Variants in CAMSAP2 observed in about 807,000 individuals in gnomAD.
CAMSAP2 encodes the protein calmodulin-regulated spectrin-associated protein 2.
CAMSAP2 carries 26 observed loss-of-function variants against 146.1 expected under a neutral mutation model. That is an observed-to-expected ratio of 0.18 (90% CI 0.13 to 0.25). The LOEUF is 0.25. Among genes scored for constraint, CAMSAP2 ranks in the 10% least tolerant of loss-of-function variants. The pLI is 1.00. For missense variants in CAMSAP2, 1,381 were observed against 1,759.3 expected (o/e 0.78, Z 3.85); for synonymous variants, 499 against 596.6 (o/e 0.84, Z 2.38).
At chr1:200,829,918 C>T (rs1056003325) in intron 4 of CAMSAP2, among the ~76,000 whole-genome samples, 3 of 151,122 alleles carry the variant, frequency 2.0e-5, no homozygotes, top group Admixed American at 1.3e-4. Context: ...CAGAGTGAGA[C>T]GCTATCTCCA....
intron 1 of CAMSAP2, among the ~76,000 whole-genome samples, chr1:200,755,537 A>G (rs974505702): frequency 2.6e-5 from 4 of 152,178 alleles, no homozygotes; most frequent in Admixed American, 6.5e-5. Context: ...TTGGCCTTAT[A>G]GGGTAATGGG....
At chr1:200,855,106 G>A (rs1349912631) in intron 14 of CAMSAP2, among the ~76,000 whole-genome samples, 1 of 150,266 alleles carries the variant, frequency 6.7e-6, no homozygotes, top group Non-Finnish European at 1.5e-5. Context: ...TTGTCTTTTA[G>A]AATTTAGAAT....
intron 2 of CAMSAP2, among the ~76,000 whole-genome samples, chr1:200,804,808 G>T (rs986518518): frequency 2.6e-5 from 4 of 152,086 alleles, no homozygotes; most frequent in Admixed American, 1.3e-4. Flanking sequence ...TGAAAATGCG[G>T]TTTTAATTTG....
rs1018007420 is a variant in CAMSAP2 at position 200,738,935 on chromosome 1, A to C, written c.-893A>C. Among the ~76,000 whole-genome samples, 4 of 130,478 alleles carry C rather than the reference A, an allele frequency of 3.1e-5. No homozygotes were observed. Among genetic ancestry groups the C allele is most frequent in the Non-Finnish European group, 6.5e-5 (4 of 61,408 alleles). 85.6% of individuals were successfully genotyped at this position (130,478 alleles called of 152,430 possible). On this transcript the variant is annotated 5_prime_UTR_variant, in exon 1 of 17. Coordinates refer to ENST00000358823, the MANE Select transcript of CAMSAP2 (RefSeq NM_203459.4). Reference sequence around the variant, plus strand: ...CTTCATCCAGTGCCGCAGCCGGAAAACCGCAGCGGCGGCGGCGGCGGCTGA... The same window carrying C: ...CTTCATCCAGTGCCGCAGCCGGAAACCCGCAGCGGCGGCGGCGGCGGCTGA...
At chr1:200,788,911 CA>C (rs1445553110) in intron 2 of CAMSAP2, among the ~76,000 whole-genome samples, 13 of 151,946 alleles carry the variant, frequency 8.6e-5, no homozygotes, top group African/African-American at 3.1e-4. Flanking sequence ...CTCAGCCTCC[CA>C]AAGTGCTGGA....
In CAMSAP2 at chr1:200,858,809, C is replaced by T. The variant is rs1667811681; in HGVS notation, c.*750C>T. 1 of 152,594 alleles carries T rather than the reference C, an allele frequency of 6.6e-6. No homozygotes were observed. The highest frequency in any genetic ancestry group is 2.4e-5 in the African/African-American group (1 of 41,434). 9.5% of individuals were successfully genotyped at this position (152,594 alleles called of 1,614,324 possible). On this transcript the variant is annotated 3_prime_UTR_variant, in exon 17 of 17. Coordinates refer to ENST00000358823, the MANE Select transcript of CAMSAP2 (RefSeq NM_203459.4). ...TGAGAAGTTGCTGATTAAATCAGTGCTGTTTTTACACCACTTCTGGCCAAC... is the reference window on the plus strand; with the variant it reads ...TGAGAAGTTGCTGATTAAATCAGTGTTGTTTTTACACCACTTCTGGCCAAC...
rs772154247 is a variant in CAMSAP2, at chr1:200,859,983, G to A, written c.*1924G>A. 6.6e-5 allele frequency: 10 copies of A among 152,388 alleles called. No homozygotes were observed. Among genetic ancestry groups the A allele is most frequent in the East Asian group, 3.7e-4 (2 of 5,338 alleles). The allele number at this position is 152,388 out of a possible 1,614,324, so 9.4% of individuals were successfully genotyped here. ...AAAGCAATCTTTGTGATATTACTTC[G>A]CTATTAAATAAAGAAAATTGGATGC... On this transcript the variant is annotated 3_prime_UTR_variant, in exon 17 of 17. Coordinates refer to ENST00000358823, the MANE Select transcript of CAMSAP2 (RefSeq NM_203459.4).
At chr1:200,785,422 C>G (rs1665558657) in intron 2 of CAMSAP2, among the ~76,000 whole-genome samples, 1 of 147,102 alleles carries the variant, frequency 6.8e-6, no homozygotes, top group Admixed American at 6.9e-5. Context: ...TGGAGTCTCA[C>G]TCTGTGCCCA....
At chr1:200,772,647 C>T (rs1156450244) in intron 2 of CAMSAP2, among the ~76,000 whole-genome samples, 1 of 151,854 alleles carries the variant, frequency 6.6e-6, no homozygotes, top group African/African-American at 2.4e-5. Flanking sequence ...ATTAAAAATA[C>T]AAATGTAGTT....
rs1664102701 is a variant in CAMSAP2, at chr1:200,739,844, A to G, written c.17A>G (p.Asp6Gly). 6.2e-7 allele frequency: 1 copy of G among 1,613,830 alleles called. No homozygotes were observed. Among genetic ancestry groups the G allele is most frequent in the Non-Finnish European group, 8.5e-7 (1 of 1,179,888 alleles). The change falls in exon 1 of 17, where the codon GAC (aspartate) becomes GGC (glycine). Residue 6 changes from aspartate to glycine, a missense_variant. By Grantham distance (94) the Asp-to-Gly change is moderately conservative (BLOSUM62 -1). This residue lies in a region of CAMSAP2 where 284 missense variants were observed against 406.9 expected (regional missense o/e 0.70). Coordinates refer to ENST00000358823, the MANE Select transcript of CAMSAP2 (RefSeq NM_203459.4). The surrounding 1 kb of genome is among the most constrained non-coding windows in gnomAD (Gnocchi z 4.8). Reference protein sequence around the residue: MGDAADPREMRKTFIV... With the variant: MGDAAGPREMRKTFIV... The stretch of plus-strand genomic sequence containing the variant: ...CGGTGAAAGATGGGGGATGCTGCAG[A>G]CCCCAGGGAGATGAGAAAGACGTTC...
chr1:200,851,801 G>T (rs1294936176), intron 11 of CAMSAP2, among the ~76,000 whole-genome samples: 4 of 152,130 alleles, frequency 2.6e-5, no homozygotes, highest in Non-Finnish European at 5.9e-5. Flanking sequence ...TTAAGCATTG[G>T]CAGGGACAGT....
chr1:200,789,488 T>C (rs977518965), intron 2 of CAMSAP2, among the ~76,000 whole-genome samples: 6 of 152,226 alleles, frequency 3.9e-5, no homozygotes, highest in Admixed American at 1.3e-4. Flanking sequence ...CAGTTGACTT[T>C]GTTCGTGTGC....
intron 1 of CAMSAP2, among the ~76,000 whole-genome samples, chr1:200,752,290 C>T (rs1664528023): frequency 6.6e-6 from 1 of 152,176 alleles, no homozygotes; most frequent in South Asian, 2.1e-4. Context: ...TAGATTCCTT[C>T]TGTGATATGT....
intron 1 of CAMSAP2, among the ~76,000 whole-genome samples, chr1:200,759,175 G>A (rs1364307027): frequency 6.6e-6 from 1 of 151,540 alleles, no homozygotes; most frequent in Non-Finnish European, 1.5e-5. Flanking sequence ...GTTCAATTTG[G>A]TGTCTCTTCA....
At chr1:200,834,533 A>G (rs1667136846) in intron 6 of CAMSAP2, among the ~76,000 whole-genome samples, 1 of 152,216 alleles carries the variant, frequency 6.6e-6, no homozygotes, top group Admixed American at 6.5e-5. Context: ...GTTGTACTTT[A>G]TGTGAGTCAA....
chr1:200,807,534 T>C lies in CAMSAP2; in HGVS notation c.558T>C (p.Asn186=). 2 of 1,594,514 alleles carry C rather than the reference T, an allele frequency of 1.3e-6. No homozygotes were observed. The highest frequency in any genetic ancestry group is 1.8e-5 in the Admixed American group (1 of 56,912). Residue 186 remains asparagine (N), a synonymous_variant, in exon 3 of 17, where the codon AAT becomes AAC. Transcript: ENST00000358823. The stretch of plus-strand genomic sequence containing the variant: ...AGGACGCTGTCATGTACTGGATAAA[T>C]AAGGTAGGATTATACTCACTTGAGT... ...DIEDAVMYWI[N]KVNEHLKDIM... is the part of the protein sequence containing the mutation.
intron 1 of CAMSAP2, among the ~76,000 whole-genome samples, chr1:200,740,507 G>A (rs73086621): frequency 0.1 from 15,699 of 152,180 alleles, 852 homozygotes; most frequent in Middle Eastern, 0.14. Flanking sequence ...CCTTCTGCAC[G>A]CATGTTAAGT....
intron 2 of CAMSAP2, among the ~76,000 whole-genome samples, chr1:200,801,459 G>A (rs889964503): frequency 6.6e-6 from 1 of 151,942 alleles, no homozygotes; most frequent in Non-Finnish European, 1.5e-5. Flanking sequence ...TCTGTATTTC[G>A]TGAATTTGAA....
intron 4 of CAMSAP2, among the ~76,000 whole-genome samples, chr1:200,820,432 G>A (rs1314785213): frequency 2.0e-5 from 3 of 152,144 alleles, no homozygotes; most frequent in Non-Finnish European, 2.9e-5. Context: ...TATTTGTGAG[G>A]TATTTTGCAA....
Sources: allele counts gnomAD v4.1 joint callset (sites outside exome capture counted in the v4.1 genomes callset), GRCh38; gene constraint gnomAD v4.1.1; regional missense constraint gnomAD v4.1.1; non-coding constraint Gnocchi (gnomAD v3.1); transcripts MANE v1.5; gene names NCBI Gene and HGNC (gene_info 2026-07-23, HGNC 2026-07-21).